The following THSD4 variants were observed in gnomAD, a reference collection of about 807,000 sequenced individuals.
The protein encoded by THSD4 is thrombospondin type 1 domain containing 4, also known as thrombospondin type-1 domain-containing protein 4.
Under a neutral mutation model 119.0 loss-of-function variants are expected in THSD4, and 69 were observed. The ratio of observed to expected loss-of-function variants is 0.58; its 90% CI spans 0.48 to 0.71. THSD4 has a LOEUF of 0.71. THSD4 is among the 30% of genes least tolerant of loss of function. The pLI is 0.00. For synonymous variants in THSD4, 524 were observed against 540.4 expected (o/e 0.97, Z 0.42); for missense variants, 1,393 against 1,391.1 (o/e 1.00, Z -0.02).
chr15:71,535,986 C>T (rs2048684372), intron 7 of THSD4, among the ~76,000 whole-genome samples: 1 of 152,112 alleles, frequency 6.6e-6, no homozygotes. Flanking sequence ...GGTGTTACAC[C>T]TATAAAACCA....
chr15:71,257,343 G>A (rs1399615333), intron 6 of THSD4, among the ~76,000 whole-genome samples: 1 of 152,130 alleles, frequency 6.6e-6, no homozygotes, highest in African/African-American at 2.4e-5. Flanking sequence ...TTAACATTCT[G>A]AGATATTTCT....
chr15:71,228,154 G>A (rs764406700), intron 4 of THSD4, among the ~76,000 whole-genome samples: 1 of 152,058 alleles, frequency 6.6e-6, no homozygotes, highest in Non-Finnish European at 1.5e-5. Flanking sequence ...GGATTATTCA[G>A]GTGAGTTCTA....
chr15:71,453,912 G>A (rs2047300979), intron 7 of THSD4, among the ~76,000 whole-genome samples: 1 of 152,176 alleles, frequency 6.6e-6, no homozygotes. Context: ...GTGGGGGCAT[G>A]CTCTTTAGAG....
chr15:71,459,072 A>G (rs2047379029), intron 7 of THSD4, among the ~76,000 whole-genome samples: 1 of 151,924 alleles, frequency 6.6e-6, no homozygotes, highest in South Asian at 2.1e-4. Flanking sequence ...CCTGAAAGGT[A>G]TACTTTACAC....
At chr15:71,460,403 C>G (rs1425049730) in intron 7 of THSD4, among the ~76,000 whole-genome samples, 1 of 150,928 alleles carries the variant, frequency 6.6e-6, no homozygotes, top group Non-Finnish European at 1.5e-5. Context: ...AGTATCATGC[C>G]TGTCCTCCCC....
At chr15:71,286,077 C>G (rs1184029451) in intron 6 of THSD4, among the ~76,000 whole-genome samples, 1 of 151,882 alleles carries the variant, frequency 6.6e-6, no homozygotes, top group Non-Finnish European at 1.5e-5. Context: ...TAGATTGTGA[C>G]CAGTTTACTC....
At chr15:71,662,178 A>G (rs112845117) in intron 8 of THSD4, among the ~76,000 whole-genome samples, 3,010 of 152,234 alleles carry the variant, frequency 0.02, 54 homozygotes, top group Non-Finnish European at 0.027. Context: ...GATCACCCAC[A>G]AGTTAACTCC....
At chr15:71,319,475 A>G (rs113769145) in intron 6 of THSD4, among the ~76,000 whole-genome samples, 4,647 of 143,224 alleles carry the variant, frequency 0.032, 236 homozygotes, top group African/African-American at 0.11. Flanking sequence ...TTCAATTCCC[A>G]CCTGTCAGTG....
intron 7 of THSD4, among the ~76,000 whole-genome samples, chr15:71,450,842 A>G (rs1343880986): frequency 6.6e-6 from 1 of 152,216 alleles, no homozygotes; most frequent in Non-Finnish European, 1.5e-5. Flanking sequence ...GAAGGGTCAG[A>G]TGACTGAAGC....
chr15:71,500,642 T>C (rs561313374), intron 7 of THSD4, among the ~76,000 whole-genome samples: 1 of 152,342 alleles, frequency 6.6e-6, no homozygotes, highest in South Asian at 2.1e-4. Flanking sequence ...CCGTTTTCAG[T>C]TAATTTTTGT....
intron 6 of THSD4, among the ~76,000 whole-genome samples, chr15:71,327,621 T>C (rs2045362845): frequency 6.6e-6 from 1 of 151,724 alleles, no homozygotes; most frequent in South Asian, 2.1e-4. Context: ...GAAACCCCCA[T>C]TCCCTTCTTG....
chr15:71,306,330 AAAAAAAAAG>A (rs1215902468), intron 6 of THSD4, among the ~76,000 whole-genome samples: 3,347 of 147,650 alleles, frequency 0.023, 81 homozygotes, highest in Non-Finnish European at 0.036. Context: ...AAAAAAAAAA[AAAAAAAAAG>A]GGAATGGTAT....
intron 6 of THSD4, among the ~76,000 whole-genome samples, chr15:71,334,648 C>A (rs2045469223): frequency 6.6e-6 from 1 of 152,208 alleles, no homozygotes; most frequent in Admixed American, 6.5e-5. Context: ...CAAATGCCAG[C>A]CCATCAAGGC....
intron 4 of THSD4, among the ~76,000 whole-genome samples, chr15:71,224,030 A>AG (rs746606645): frequency 1.3e-5 from 2 of 152,036 alleles, no homozygotes; most frequent in Non-Finnish European, 2.9e-5. Context: ...CAGGGAGGAG[A>AG]GGGGAAGACA....
intron 6 of THSD4, among the ~76,000 whole-genome samples, chr15:71,308,125 G>A (rs1226923915): frequency 6.6e-6 from 1 of 152,234 alleles, no homozygotes; most frequent in South Asian, 2.1e-4. Flanking sequence ...CTGAATACTG[G>A]GTGGTCTATG....
intron 7 of THSD4, among the ~76,000 whole-genome samples, chr15:71,627,106 G>A (rs2050524631): frequency 6.6e-6 from 1 of 151,810 alleles, no homozygotes; most frequent in African/African-American, 2.4e-5. Flanking sequence ...GTTCATGGAA[G>A]AAAAGGAACA....
At chr15:71,703,163 CAG>C (rs2052325789) in intron 8 of THSD4, among the ~76,000 whole-genome samples, 1 of 152,096 alleles carries the variant, frequency 6.6e-6, no homozygotes, top group Non-Finnish European at 1.5e-5. Context: ...TTAGTAGAGA[CAG>C]AGATTTGCCA....
Position 71,778,768 on chromosome 15 carries a change from C to A in THSD4, c.*1394C>A, listed in dbSNP as rs1330469678. The A allele has an allele frequency of 6.6e-6, 1 of 152,076 alleles. No individual in the cohort carries two copies. The highest frequency in any genetic ancestry group is 1.5e-5 in the Non-Finnish European group (1 of 68,094). The allele number at this position is 152,076 out of a possible 1,614,324, so 9.4% of individuals were successfully genotyped here. A position where few individuals can be genotyped will look rare whatever the true frequency, so the allele number is the denominator to read the frequency against. On this transcript the variant is annotated 3_prime_UTR_variant, in exon 18 of 18. Transcript: ENST00000261862. ...TTGGCCTGCGACAAGGAGCTGTGGA[C>A]CCTTCCCCATCTCTTCCAATTCACT...
chr15:71,172,555 G>A (rs968730603), intron 3 of THSD4, among the ~76,000 whole-genome samples: 1 of 149,982 alleles, frequency 6.7e-6, no homozygotes, highest in African/African-American at 2.4e-5. Flanking sequence ...GAAAGAAGAA[G>A]AAAATTGCAA....
Sources: gnomAD v4.1 joint callset for allele counts (sites outside exome capture counted in the v4.1 genomes callset) on GRCh38, gnomAD v4.1.1 for gene constraint, MANE v1.5 for transcripts, NCBI Gene and HGNC (gene_info 2026-07-23, HGNC 2026-07-21) for gene names.